The following KLF12 variants were observed in gnomAD, a reference collection of about 807,000 sequenced individuals.
KLF12 encodes the protein Krueppel-like factor 12.
A neutral mutation model predicts 37.8 loss-of-function variants in KLF12; 9 were observed. The ratio of observed to expected loss-of-function variants is 0.24; its 90% confidence interval spans 0.14 to 0.42. The LOEUF is 0.42. Among genes scored for constraint, KLF12 ranks in the 10% least tolerant of loss-of-function variants. The pLI is 1.00. For missense variants in KLF12, 411 were observed against 516.0 expected, an observed-to-expected ratio of 0.80 and a Z score of 1.97; for synonymous variants, 208 against 202.1, an observed-to-expected ratio of 1.03 and a Z score of -0.25.
At chr13:73,982,351 A>G (rs9573340) in intron 2 of KLF12, among the ~76,000 whole-genome samples, 130,587 of 152,192 alleles carry the variant, frequency 0.86, 56,254 homozygotes, top group Middle Eastern at 0.91. Flanking sequence ...CATTTTGGGG[A>G]TTTTCTTGGT....
intron 6 of KLF12, among the ~76,000 whole-genome samples, chr13:73,740,178 A>C (rs1877864611): frequency 6.6e-6 from 1 of 152,236 alleles, no homozygotes; most frequent in Admixed American, 6.5e-5. Context: ...TGATTAGGTC[A>C]TAGGGGTGGA....
At chr13:73,747,117 TTTTC>T (rs1286338587) in intron 6 of KLF12, among the ~76,000 whole-genome samples, 2 of 152,096 alleles carry the variant, frequency 1.3e-5, no homozygotes, top group African/African-American at 4.8e-5. Context: ...ACTCCTGGCA[TTTTC>T]TTTCTTTCTT....
the KLF12 span, among the ~76,000 whole-genome samples, chr13:74,155,643 G>A: frequency 2.6e-5 from 4 of 151,716 alleles, no homozygotes; most frequent in African/African-American, 4.8e-5. Flanking sequence ...GATTACAGGC[G>A]GGAACCACCA....
the KLF12 span, among the ~76,000 whole-genome samples, chr13:74,245,218 G>A: frequency 6.6e-6 from 1 of 152,178 alleles, no homozygotes; most frequent in Non-Finnish European, 1.5e-5. Flanking sequence ...ATGAACGTTT[G>A]TGATGAATTT....
chr13:73,717,990 T>C (rs992620161), intron 6 of KLF12, among the ~76,000 whole-genome samples: 2 of 152,202 alleles, frequency 1.3e-5, no homozygotes, highest in Admixed American at 6.5e-5. Flanking sequence ...TTCATAGTGT[T>C]GTACAATGTT....
chr13:74,291,894 C>T, the KLF12 span, among the ~76,000 whole-genome samples: 2 of 152,138 alleles, frequency 1.3e-5, no homozygotes, highest in African/African-American at 4.8e-5. Context: ...GTCTTCTCAG[C>T]TGTGTATCAG....
chr13:74,186,696 T>A, the KLF12 span, among the ~76,000 whole-genome samples: 1 of 152,220 alleles, frequency 6.6e-6, no homozygotes, highest in African/African-American at 2.4e-5. Flanking sequence ...GTTGTGTTTT[T>A]AAACTACATT....
At chr13:74,283,228 T>C in the KLF12 span, among the ~76,000 whole-genome samples, 1 of 152,224 alleles carries the variant, frequency 6.6e-6, no homozygotes, top group South Asian at 2.1e-4. Flanking sequence ...ATTCAGACTA[T>C]ATTGTTTTAA....
chr13:74,026,345 A>T (rs769851916), intron 1 of KLF12, among the ~76,000 whole-genome samples: 2 of 152,158 alleles, frequency 1.3e-5, no homozygotes, highest in Admixed American at 6.5e-5. Flanking sequence ...CTCTAATAGA[A>T]CTGTATGTAA....
At chr13:73,956,566 A>T (rs1890839165) in intron 2 of KLF12, among the ~76,000 whole-genome samples, 1 of 152,204 alleles carries the variant, frequency 6.6e-6, no homozygotes, top group Non-Finnish European at 1.5e-5. Context: ...AGAGGTAGTA[A>T]AGCAGCCCAT....
chr13:73,852,939 A>C (rs11148952), intron 3 of KLF12, among the ~76,000 whole-genome samples: 4 of 143,020 alleles, frequency 2.8e-5, no homozygotes, highest in African/African-American at 1.0e-4. Flanking sequence ...GCGCGATCTC[A>C]GCTCATTGCA....
At chr13:73,956,673 C>A (rs1034680328) in intron 2 of KLF12, among the ~76,000 whole-genome samples, 2 of 152,120 alleles carry the variant, frequency 1.3e-5, no homozygotes, top group African/African-American at 4.8e-5. Flanking sequence ...GTAATCCCAG[C>A]ACCTTGGGAG....
chr13:74,064,868 G>A (rs926898084), intron 1 of KLF12, among the ~76,000 whole-genome samples: 1 of 152,146 alleles, frequency 6.6e-6, no homozygotes, highest in African/African-American at 2.4e-5. Flanking sequence ...AGTTATCTCA[G>A]AATCAATGTT....
At chr13:74,154,998 T>A in the KLF12 span, among the ~76,000 whole-genome samples, 36 of 152,350 alleles carry the variant, frequency 2.4e-4, no homozygotes, top group African/African-American at 8.7e-4. Flanking sequence ...TCTTTGAATA[T>A]TTCACAGTCA....
At chr13:74,155,119 C>T in the KLF12 span, among the ~76,000 whole-genome samples, 1 of 152,166 alleles carries the variant, frequency 6.6e-6, no homozygotes, top group Non-Finnish European at 1.5e-5. Flanking sequence ...ACAGTTCTCT[C>T]ACAGGATCCT....
chr13:74,112,309 T>C (rs997620939), intron 1 of KLF12, among the ~76,000 whole-genome samples: 3 of 150,638 alleles, frequency 2.0e-5, no homozygotes, highest in Admixed American at 1.3e-4. Flanking sequence ...TTACTGACCC[T>C]GTCAGAATAT....
the KLF12 span, among the ~76,000 whole-genome samples, chr13:74,249,946 G>C: frequency 6.6e-6 from 1 of 152,122 alleles, no homozygotes; most frequent in Non-Finnish European, 1.5e-5. Flanking sequence ...TAGTAATCAG[G>C]TCACTCAACA....
At chr13:73,730,106 C>T (rs567190256) in intron 6 of KLF12, among the ~76,000 whole-genome samples, 1 of 152,206 alleles carries the variant, frequency 6.6e-6, no homozygotes, top group South Asian at 2.1e-4. Flanking sequence ...GTCTAGTAAG[C>T]CCTCTCTCCA....
intron 2 of KLF12, among the ~76,000 whole-genome samples, chr13:73,953,977 T>C (rs1390657909): frequency 3.2e-4 from 7 of 22,218 alleles, no homozygotes; most frequent in South Asian, 3.1e-3. Flanking sequence ...TTTCTTTTTT[T>C]TTTTTTTTTT....
Sources: allele counts gnomAD v4.1 joint callset (sites outside exome capture counted in the v4.1 genomes callset), GRCh38; gene constraint gnomAD v4.1.1; transcripts MANE v1.5; gene names NCBI Gene and HGNC (gene_info 2026-07-23, HGNC 2026-07-21).